Variants in SH3BP4 observed in about 807,000 individuals in gnomAD.
SH3BP4 encodes SH3 domain-binding protein 4.
Under a neutral mutation model 65.5 loss-of-function variants are expected in SH3BP4, and 33 were observed. The ratio of observed to expected loss-of-function variants is 0.50; its 90% CI spans 0.38 to 0.67. The LOEUF (loss-of-function observed/expected upper bound fraction) is 0.67, where lower values mean the gene tolerates loss of function less well. Ranked by LOEUF, SH3BP4 falls within the 30% of genes least tolerant of loss-of-function variation. The pLI is 0.00. For missense variants in SH3BP4, 1,134 were observed against 1,261.4 expected, an observed-to-expected ratio of 0.90 and a Z score of 1.53; for synonymous variants, 552 against 545.5, an observed-to-expected ratio of 1.01 and a Z score of -0.17.
At chr2:235,015,473 G>A (rs1201131222) in intron 2 of SH3BP4, among the ~76,000 whole-genome samples, 2 of 152,184 alleles carry the variant, frequency 1.3e-5, no homozygotes, top group African/African-American at 4.8e-5. Context: ...AGGCACAGAG[G>A]TCAGCGACTT....
chr2:234,992,554 C>T (rs926995801), intron 1 of SH3BP4, among the ~76,000 whole-genome samples: 2 of 151,562 alleles, frequency 1.3e-5, no homozygotes, highest in Non-Finnish European at 2.9e-5. Context: ...GAGATGGACA[C>T]GTTCCTGCTG....
intron 1 of SH3BP4, among the ~76,000 whole-genome samples, chr2:234,961,395 C>G (rs1483507447): frequency 6.6e-6 from 1 of 152,176 alleles, no homozygotes; most frequent in East Asian, 1.9e-4. Flanking sequence ...CTTCAGCCTC[C>G]CAAGTAGCTG....
At chr2:234,989,829 A>G (rs997801276) in intron 1 of SH3BP4, among the ~76,000 whole-genome samples, 1 of 152,132 alleles carries the variant, frequency 6.6e-6, no homozygotes, top group African/African-American at 2.4e-5. Context: ...GCCAGGTTGG[A>G]TTTGGCCCGC....
In SH3BP4 at chr2:235,034,109, C is replaced by G. The variant is rs1018411718; in HGVS notation, c.-132-762C>G. Among the ~76,000 whole-genome samples the G allele has an allele frequency of 5.3e-5, 8 of 152,028 alleles. No individual in the cohort carries two copies. The highest frequency in any genetic ancestry group is 8.8e-5 in the Non-Finnish European group (6 of 68,012). ...GAAGGGCCTGCTCAGAGCCAGTCAC[C>G]TCATTCATATCCAGAACCCCCCACA... is the stretch of plus-strand genomic sequence containing the variant. On this transcript the variant is annotated intron_variant, in intron 2 of 5. Transcript: ENST00000392011. This position sits in a 1 kb window ranked among gnomAD's most constrained non-coding sequence, Gnocchi z 6.2.
intron 4 of SH3BP4, among the ~76,000 whole-genome samples, chr2:235,047,355 A>G (rs1695896874): frequency 6.6e-6 from 1 of 152,186 alleles, no homozygotes; most frequent in Non-Finnish European, 1.5e-5. Flanking sequence ...CAGCCCCCTG[A>G]TGCGTCAGAG....
intron 1 of SH3BP4, among the ~76,000 whole-genome samples, chr2:234,985,280 A>C (rs538623448): frequency 6.6e-6 from 1 of 152,232 alleles, no homozygotes; most frequent in African/African-American, 2.4e-5. Context: ...GTTTAGCTCC[A>C]TCCACCAAGA....
chr2:234,990,660 C>T (rs1283976369), intron 1 of SH3BP4, among the ~76,000 whole-genome samples: 1 of 152,220 alleles, frequency 6.6e-6, no homozygotes, highest in Non-Finnish European at 1.5e-5. Flanking sequence ...ATTTTCAGAT[C>T]TGTCACTCCC....
chr2:235,048,338 G>T lies in SH3BP4; in HGVS notation c.2479-4224G>T, dbSNP rs376878284. Among the ~76,000 whole-genome samples, 101 of 152,046 alleles carry T rather than the reference G, an allele frequency of 6.6e-4. 1 individual carries two copies. The highest frequency in any genetic ancestry group is 2.4e-3 in the African/African-American group (98 of 41,478). ...GTACTTTATAAGAGTATTTTCCCCC[G>T]CCCCTTTTTTGAGAAAAGGTCTCGC... On this transcript the variant is annotated intron_variant, in intron 4 of 5. Coordinates refer to ENST00000392011, the MANE Select transcript of SH3BP4 (RefSeq NM_014521.3).
At chr2:235,000,915 T>C (rs1039579807) in intron 2 of SH3BP4, among the ~76,000 whole-genome samples, 2 of 152,224 alleles carry the variant, frequency 1.3e-5, no homozygotes, top group Non-Finnish European at 2.9e-5. Flanking sequence ...GGCGTCACCT[T>C]GTTCTGACCT....
intron 2 of SH3BP4, among the ~76,000 whole-genome samples, chr2:235,023,559 G>C (rs1045967398): frequency 1.3e-5 from 2 of 151,724 alleles, no homozygotes; most frequent in East Asian, 3.9e-4. Context: ...GCGGTGGGGT[G>C]GGGGGTGAGA....
rs185651362 is a variant in SH3BP4, at chr2:234,976,918, A to C, written c.-206-18385A>C. ...TCTGGATGGGATCCTGGAACAGAAA[A>C]AAAGGACCTCAGGGACAAACATAGG... On this transcript the variant is annotated intron_variant, in intron 1 of 5. Coordinates refer to ENST00000392011, the MANE Select transcript of SH3BP4 (RefSeq NM_014521.3). The surrounding 1 kb of genome is among the most constrained non-coding windows in gnomAD (Gnocchi z 4.7). Among the ~76,000 whole-genome samples, 1 of 152,292 alleles carries C rather than the reference A, an allele frequency of 6.6e-6. No homozygotes were observed. The highest frequency in any genetic ancestry group is 1.5e-5 in the Non-Finnish European group (1 of 68,010).
chr2:235,041,981 C>T lies in SH3BP4; in HGVS notation c.1212C>T (p.Asp404=), dbSNP rs1695667146. ...EMKVSAEIKN[D]LFSKSTVGLQ... is the part of the protein sequence containing the mutation. ...AAGTGTCAGCCGAGATAAAAAATGACCTTTTTAGCAAAAGCACAGTGGGCC... is the reference window on the plus strand; with the variant it reads ...AAGTGTCAGCCGAGATAAAAAATGATCTTTTTAGCAAAAGCACAGTGGGCC... Residue 404 remains aspartate (D), a synonymous_variant, in exon 4 of 6, where the codon GAC becomes GAT. Coordinates refer to ENST00000392011, the MANE Select transcript of SH3BP4 (RefSeq NM_014521.3). The surrounding 1 kb of genome is among the most constrained non-coding windows in gnomAD (Gnocchi z 6.0). 1.9e-6 allele frequency: 3 copies of T among 1,613,224 alleles called. No homozygotes were observed. The African/African-American group carries it at 4.0e-5, about 22-fold the overall frequency.
intron 2 of SH3BP4, among the ~76,000 whole-genome samples, chr2:235,002,988 TG>T (rs1332368014): frequency 7.9e-5 from 12 of 152,264 alleles, no homozygotes; most frequent in Non-Finnish European, 1.5e-4. Flanking sequence ...CAAAAGAACT[TG>T]AAGTAACTTG....
chr2:235,013,109 C>A (rs10194249), intron 2 of SH3BP4, among the ~76,000 whole-genome samples: 45,297 of 152,170 alleles, frequency 0.3, 10,528 homozygotes, highest in African/African-American at 0.64. Context: ...ATGAATCTTG[C>A]ATCAGCAGAG....
chr2:235,017,868 A>G (rs1006359628), intron 2 of SH3BP4, among the ~76,000 whole-genome samples: 1 of 152,020 alleles, frequency 6.6e-6, no homozygotes, highest in Non-Finnish European at 1.5e-5. Flanking sequence ...TTGATATTCA[A>G]CCAGTTTTTT....
intron 1 of SH3BP4, among the ~76,000 whole-genome samples, chr2:234,966,715 G>C (rs1692847542): frequency 6.6e-6 from 1 of 152,164 alleles, no homozygotes; most frequent in South Asian, 2.1e-4. Flanking sequence ...CCTGTGACTT[G>C]GACATCATTT....
intron 2 of SH3BP4, among the ~76,000 whole-genome samples, chr2:235,010,261 GGGCCCAC>G (rs1457797919): frequency 1.4e-4 from 21 of 152,126 alleles, no homozygotes; most frequent in Non-Finnish European, 2.4e-4. Flanking sequence ...CTCTGTCCCT[GGGCCCAC>G]CCCACTTCAT....
At chr2:235,019,558 T>A (rs890907815) in intron 2 of SH3BP4, among the ~76,000 whole-genome samples, 2 of 151,116 alleles carry the variant, frequency 1.3e-5, no homozygotes, top group African/African-American at 4.9e-5. Context: ...TGCCTCAGCC[T>A]CCTGAGTAGC....
rs552261295 is a variant in SH3BP4, at chr2:234,957,942, C to T, written c.-207+5772C>T. ...GAGGCAGGCGGAGCCCATCTTCCCC[C>T]CAACAGGTCTGTCCTCCTCCAGGGG... is the stretch of plus-strand genomic sequence containing the variant. On this transcript the variant is annotated intron_variant, in intron 1 of 5. Transcript: ENST00000392011. Among the ~76,000 whole-genome samples the T allele has an allele frequency of 8.1e-4, 123 of 152,210 alleles. 3 individuals are homozygous for T. Among genetic ancestry groups the T allele is most frequent in the South Asian group, 4.8e-3 (23 of 4,822 alleles).
Sources: gnomAD v4.1 joint callset for allele counts (sites outside exome capture counted in the v4.1 genomes callset) on GRCh38, gnomAD v4.1.1 for gene constraint, Gnocchi (gnomAD v3.1) non-coding constraint, MANE v1.5 for transcripts, NCBI Gene and HGNC (gene_info 2026-07-23, HGNC 2026-07-21) for gene names.